LOC400499: variants seen among roughly 807,000 people sequenced by gnomAD.
chr16:11,436,175 T>A, the LOC400499 span, among the ~76,000 whole-genome samples: 1 of 152,268 alleles, frequency 6.6e-6, no homozygotes, highest in East Asian at 1.9e-4. Context: ...AAGGGTCACA[T>A]ATGCCACCTG....
the LOC400499 span, chr16:11,398,475 A>G: frequency 8.1e-7 from 1 of 1,232,304 alleles, no homozygotes. Context: ...CGTGGCCTCC[A>G]TGATGATCTT....
the LOC400499 span, among the ~76,000 whole-genome samples, chr16:11,444,325 G>C: frequency 1.3e-5 from 2 of 152,126 alleles, no homozygotes; most frequent in African/African-American, 4.8e-5. Context: ...TTGAGCTTGG[G>C]AGGTCAAGGC....
chr16:11,373,415 C>T, the LOC400499 span, among the ~76,000 whole-genome samples: 2 of 152,024 alleles, frequency 1.3e-5, no homozygotes, highest in African/African-American at 4.8e-5. Flanking sequence ...CTCACGGCAA[C>T]CTCTGCCTCC....
the LOC400499 span, among the ~76,000 whole-genome samples, chr16:11,434,338 A>G: frequency 6.6e-6 from 1 of 152,228 alleles, no homozygotes; most frequent in Non-Finnish European, 1.5e-5. Context: ...CCTGAGCAAC[A>G]TAGCAAGACC....
the LOC400499 span, among the ~76,000 whole-genome samples, chr16:11,479,771 C>G: frequency 1.3e-5 from 2 of 152,208 alleles, no homozygotes; most frequent in African/African-American, 2.4e-5. Context: ...TGGTATGTTT[C>G]TATCAACTAA....
the LOC400499 span, among the ~76,000 whole-genome samples, chr16:11,516,696 C>T: frequency 0.017 from 2,541 of 152,306 alleles, 69 homozygotes; most frequent in African/African-American, 0.058. Flanking sequence ...GGACCAGTCT[C>T]GCTCTGTTGC....
At chr16:11,413,599 C>G in the LOC400499 span, among the ~76,000 whole-genome samples, 1 of 152,150 alleles carries the variant, frequency 6.6e-6, no homozygotes, top group Non-Finnish European at 1.5e-5. Flanking sequence ...GCCTGGGTGC[C>G]AAGTCTGAGT....
the LOC400499 span, among the ~76,000 whole-genome samples, chr16:11,452,759 G>A: frequency 1.3e-5 from 2 of 152,202 alleles, no homozygotes; most frequent in Non-Finnish European, 2.9e-5. Context: ...GTCACCATCT[G>A]GGGACATTCC....
At chr16:11,471,025 G>C in the LOC400499 span, among the ~76,000 whole-genome samples, 4 of 152,224 alleles carry the variant, frequency 2.6e-5, no homozygotes, top group East Asian at 1.9e-4. Flanking sequence ...GCAGGGGCAG[G>C]ACTGCCAAGG....
At chr16:11,412,419 G>C in the LOC400499 span, among the ~76,000 whole-genome samples, 3 of 152,186 alleles carry the variant, frequency 2.0e-5, no homozygotes, top group African/African-American at 7.2e-5. Context: ...CTCGCCCCTA[G>C]GTGAGAACCA....
chr16:11,438,607 C>CAAAAAAAAA, the LOC400499 span, among the ~76,000 whole-genome samples: 1 of 59,848 alleles, frequency 1.7e-5, no homozygotes, highest in African/African-American at 7.6e-5. Flanking sequence ...CCTGTCTCTG[C>CAAAAAAAAA]AAAAAAAAAA....
the LOC400499 span, among the ~76,000 whole-genome samples, chr16:11,386,156 T>A: frequency 6.6e-6 from 1 of 152,204 alleles, no homozygotes; most frequent in African/African-American, 2.4e-5. Context: ...ACAAGACTGG[T>A]GTCCTGCAGA....
At chr16:11,376,872 C>G in the LOC400499 span, among the ~76,000 whole-genome samples, 1 of 152,012 alleles carries the variant, frequency 6.6e-6, no homozygotes. Context: ...ACTCTACATC[C>G]TGCCAAAATC....
chr16:11,384,122 G>A, the LOC400499 span: 2 of 1,220,474 alleles, frequency 1.6e-6, no homozygotes, highest in Non-Finnish European at 2.0e-6. Flanking sequence ...GTCCTCTGCA[G>A]AGCCATCAGG....
the LOC400499 span, among the ~76,000 whole-genome samples, chr16:11,403,410 T>TAC: frequency 3.3e-5 from 5 of 151,878 alleles, no homozygotes; most frequent in African/African-American, 1.2e-4. Flanking sequence ...GTGGCACAAA[T>TAC]ACACACACAC....
the LOC400499 span, among the ~76,000 whole-genome samples, chr16:11,409,496 C>G: frequency 2.0e-5 from 3 of 152,140 alleles, no homozygotes; most frequent in African/African-American, 7.2e-5. Flanking sequence ...ACCATAAGGC[C>G]TGCAACCCCC....
At chr16:11,477,863 T>C in the LOC400499 span, 1 of 398,996 alleles carries the variant, frequency 2.5e-6, no homozygotes, top group Non-Finnish European at 4.4e-6. Flanking sequence ...CGAGCGCTGC[T>C]GGAAGTCAGT....
chr16:11,457,324 T>C, the LOC400499 span, among the ~76,000 whole-genome samples: 1 of 152,164 alleles, frequency 6.6e-6, no homozygotes, highest in South Asian at 2.1e-4. Flanking sequence ...CCGGGCACGG[T>C]GGCTCACGCC....
the LOC400499 span, among the ~76,000 whole-genome samples, chr16:11,443,908 C>A: frequency 6.6e-6 from 1 of 151,722 alleles, no homozygotes; most frequent in African/African-American, 2.4e-5. Context: ...GATCTCGGCT[C>A]ACCGTAACGT....
Sources: gnomAD v4.1 joint callset for allele counts (sites outside exome capture counted in the v4.1 genomes callset) on GRCh38, gnomAD v4.1.1 for gene constraint, MANE v1.5 for transcripts.